Variants in OLFML2A observed in about 807,000 individuals in gnomAD.
OLFML2A encodes olfactomedin-like protein 2A.
OLFML2A carries 47 observed loss-of-function variants against 60.9 expected under a neutral mutation model. That is an observed-to-expected ratio of 0.77 (90% CI 0.61 to 0.98). The LOEUF is 0.98. Ranked by LOEUF, OLFML2A falls within the 50% of genes least tolerant of loss-of-function variation. The pLI is 0.00. For synonymous variants in OLFML2A, 372 were observed against 375.0 expected (o/e 0.99, Z 0.09); for missense variants, 922 against 879.8 (o/e 1.05, Z -0.61).
intron 2 of OLFML2A, among the ~76,000 whole-genome samples, chr9:124,787,955 A>T (rs1841507138): frequency 6.6e-6 from 1 of 152,124 alleles, no homozygotes; most frequent in African/African-American, 2.4e-5. Flanking sequence ...TAACTTGCCC[A>T]ACCTCACATA....
In OLFML2A at chr9:124,810,026, G is replaced by A. The variant is rs368549348; in HGVS notation, c.1573G>A (p.Val525Met). The A allele has an allele frequency of 2.6e-5, 42 of 1,613,936 alleles. No individual in the cohort carries two copies. Among genetic ancestry groups the A allele is most frequent in the Admixed American group, 3.3e-5 (2 of 60,002 alleles). Residue 525 changes from valine (V) to methionine (M), a missense_variant, in exon 8 of 8, where the codon GTG becomes ATG. By Grantham distance (21) the Val-to-Met change is conservative. Coordinates refer to ENST00000373580, the MANE Select transcript of OLFML2A (RefSeq NM_182487.4). ...CGGACACTCGGACATTGACTTTGCC[G>A]TGGACGAGAGCGGCCTGTGGGTCAT... ...WRGHSDIDFA[V>M]DESGLWVIYP...
chr9:124,809,345 G>A (rs1237767300), intron 7 of OLFML2A, among the ~76,000 whole-genome samples: 7 of 152,078 alleles, frequency 4.6e-5, no homozygotes, highest in Non-Finnish European at 5.9e-5. Flanking sequence ...AAAAGACAAA[G>A]GGTTATGGGA....
rs539066512 is a variant in OLFML2A, at chr9:124,794,551, T to G, written c.355-473T>G. On this transcript the variant is annotated intron_variant, in intron 2 of 7. Transcript: ENST00000373580. ...GTGATTATTAGCAGGCTGGGGCTGGTGAGTGCTCAGGGCCCATGCCAGCCA... is the reference window on the plus strand; with the variant it reads ...GTGATTATTAGCAGGCTGGGGCTGGGGAGTGCTCAGGGCCCATGCCAGCCA... Among the ~76,000 whole-genome samples, 2 of 152,276 alleles carry G rather than the reference T, an allele frequency of 1.3e-5. 1 individual carries two copies. The highest frequency in any genetic ancestry group is 4.2e-4 in the South Asian group (2 of 4,814).
intron 2 of OLFML2A, among the ~76,000 whole-genome samples, chr9:124,788,465 G>T (rs192119826): frequency 2.6e-5 from 4 of 151,994 alleles, no homozygotes; most frequent in African/African-American, 9.7e-5. Context: ...AATTAACCCC[G>T]CATGGTGGTG....
intron 6 of OLFML2A, among the ~76,000 whole-genome samples, chr9:124,805,005 G>C (rs759001556): frequency 3.3e-5 from 5 of 152,120 alleles, no homozygotes; most frequent in Admixed American, 6.5e-5. Context: ...ACCAAGCCCA[G>C]GTAGTATTTT....
chr9:124,814,015 G>A lies in OLFML2A; in HGVS notation c.*3603G>A, dbSNP rs1013598030. 6.6e-6 allele frequency: 1 copy of A among 152,288 alleles called. No homozygotes were observed. Among genetic ancestry groups the A allele is most frequent in the African/African-American group, 2.4e-5 (1 of 41,448 alleles). 9.4% of individuals were successfully genotyped at this position (152,288 alleles called of 1,614,324 possible). On this transcript the variant is annotated 3_prime_UTR_variant, in exon 8 of 8. Coordinates refer to ENST00000373580, the MANE Select transcript of OLFML2A (RefSeq NM_182487.4). The stretch of plus-strand genomic sequence containing the variant: ...GAAGGCAAAGGAAGCTGTCTCGGGT[G>A]TTTCTGAACAACGTGACTCATGAGG...
At chr9:124,809,648 C>T (rs537740279) in intron 7 of OLFML2A, among the ~76,000 whole-genome samples, 160 bp from the exon 8 acceptor site, 1 of 151,822 alleles carries the variant, frequency 6.6e-6, no homozygotes, top group East Asian at 1.9e-4. Context: ...CTTCAGGAGA[C>T]GCTTGTGCCA....
chr9:124,783,532 G>A (rs574666264), intron 1 of OLFML2A, among the ~76,000 whole-genome samples: 1 of 152,134 alleles, frequency 6.6e-6, no homozygotes, highest in Non-Finnish European at 1.5e-5. Flanking sequence ...GCTAGGCCCT[G>A]TTCTTTACTT....
At chr9:124,807,182 C>T (rs1177548575) in intron 6 of OLFML2A, among the ~76,000 whole-genome samples, 1 of 152,082 alleles carries the variant, frequency 6.6e-6, no homozygotes, top group Non-Finnish European at 1.5e-5. Context: ...CCTCAGCCTC[C>T]CAAATTGCTG....
At chr9:124,795,575 T>C (rs1841653852) in intron 3 of OLFML2A, among the ~76,000 whole-genome samples, 1 of 152,134 alleles carries the variant, frequency 6.6e-6, no homozygotes, top group Admixed American at 6.5e-5. Context: ...GGCCAGAAGT[T>C]TGAGACCAGC....
Position 124,814,111 on chromosome 9 carries a change from G to C in OLFML2A, c.*3699G>C, listed in dbSNP as rs542929202. The C allele has an allele frequency of 6.6e-6, 1 of 152,264 alleles. No individual in the cohort carries two copies. Among genetic ancestry groups the C allele is most frequent in the Non-Finnish European group, 1.5e-5 (1 of 68,066 alleles). 9.4% of individuals were successfully genotyped at this position (152,264 alleles called of 1,614,324 possible). On this transcript the variant is annotated 3_prime_UTR_variant, in exon 8 of 8. Coordinates refer to ENST00000373580, the MANE Select transcript of OLFML2A (RefSeq NM_182487.4). Reference sequence around the variant, plus strand: ...ACATTTAATCGGCTTTCTCTGCGGTGGGGTAGAGAATGGAGCTCCCGCCTT... The same window carrying C: ...ACATTTAATCGGCTTTCTCTGCGGTCGGGTAGAGAATGGAGCTCCCGCCTT...
rs1372309618 is a variant in OLFML2A at position 124,809,943 on chromosome 9, C to A, written c.1490C>A (p.Ala497Asp). The change falls in exon 8 of 8, where the codon GCC becomes GAC. Residue 497 changes from alanine to aspartate, a missense_variant. By Grantham distance (126) the Ala-to-Asp change is moderately radical. Coordinates refer to ENST00000373580, the MANE Select transcript of OLFML2A (RefSeq NM_182487.4). The part of the protein sequence containing the change: ...IKYDLRQRFV[A>D]SWALLPDVVY... The stretch of plus-strand genomic sequence containing the variant: ...TACGACCTACGGCAGCGCTTCGTGG[C>A]CTCCTGGGCGCTGCTGCCCGACGTG... 6.2e-7 allele frequency: 1 copy of A among 1,614,086 alleles called. No individual in the cohort carries two copies. The highest frequency in any genetic ancestry group is 2.2e-5 in the East Asian group (1 of 44,888).
intron 1 of OLFML2A, among the ~76,000 whole-genome samples, chr9:124,782,514 T>G (rs1841379942): frequency 6.6e-6 from 1 of 152,202 alleles, no homozygotes; most frequent in African/African-American, 2.4e-5. Context: ...CTTCCCATTT[T>G]ACAGAGGAGG....
chr9:124,793,317 G>T (rs772238954), intron 2 of OLFML2A, among the ~76,000 whole-genome samples: 1 of 152,208 alleles, frequency 6.6e-6, no homozygotes, highest in Non-Finnish European at 1.5e-5. Flanking sequence ...CTGATGAGGC[G>T]TGACAGAGGA....
intron 5 of OLFML2A, 122 bp from the exon 6 acceptor site, chr9:124,803,961 GTGAGGAGGCCC>G (rs1195049029): frequency 2.7e-5 from 25 of 927,354 alleles, no homozygotes; most frequent in East Asian, 1.6e-4. Context: ...CCCTCCAGGT[GTGAGGAGGCCC>G]TGAGGAGGCC....
intron 2 of OLFML2A, 32 bp downstream of exon 2, chr9:124,787,270 G>A (rs763612529): frequency 6.3e-7 from 1 of 1,599,044 alleles, no homozygotes; most frequent in Admixed American, 1.7e-5. Context: ...AGGGAGTAAG[G>A]GCCTATCATG....
At chr9:124,787,662 G>A (rs560561528) in intron 2 of OLFML2A, among the ~76,000 whole-genome samples, 4 of 151,872 alleles carry the variant, frequency 2.6e-5, no homozygotes, top group African/African-American at 7.2e-5. Context: ...GGGTTCAAGC[G>A]ATTCTCCTGC....
chr9:124,795,097 A>T lies in OLFML2A; in HGVS notation c.428A>T (p.His143Leu). ...TTGATGAAGGTGCACGCCTACGTCCACAAGGTGGCCTCCCAGATGAACACA... is the reference window on the plus strand; with the variant it reads ...TTGATGAAGGTGCACGCCTACGTCCTCAAGGTGGCCTCCCAGATGAACACA... ...MDLMKVHAYV[H>L]KVASQMNTLE... is the part of the protein sequence containing the mutation. Residue 143 changes from histidine to leucine, a missense_variant, in exon 3 of 8, where the codon CAC (histidine) becomes CTC (leucine). By Grantham distance (99) the His-to-Leu change is moderately conservative. Coordinates refer to ENST00000373580, the MANE Select transcript of OLFML2A (RefSeq NM_182487.4). 2 of 1,606,950 alleles carry T rather than the reference A, an allele frequency of 1.2e-6. No individual in the cohort carries two copies. Among genetic ancestry groups the T allele is most frequent in the Non-Finnish European group, 1.7e-6 (2 of 1,176,092 alleles).
In OLFML2A at chr9:124,779,783, C is replaced by T. The variant is rs1841327494; in HGVS notation, c.90+2423C>T. Among the ~76,000 whole-genome samples the T allele has an allele frequency of 6.6e-6, 1 of 152,214 alleles. No homozygotes were observed. The highest frequency in any genetic ancestry group is 2.4e-5 in the African/African-American group (1 of 41,444). On this transcript the variant is annotated intron_variant, in intron 1 of 7. Coordinates refer to ENST00000373580, the MANE Select transcript of OLFML2A (RefSeq NM_182487.4). The surrounding 1 kb of genome is among the most constrained non-coding windows in gnomAD (Gnocchi z 4.1). The stretch of plus-strand genomic sequence containing the variant: ...CTGGCTCTGCAGAGAGAGCTGTTTT[C>T]ATTATCACTCGCTCCTTCCCCCATC...
Sources: gnomAD v4.1 joint callset for allele counts (sites outside exome capture counted in the v4.1 genomes callset) on GRCh38, gnomAD v4.1.1 for gene constraint, Gnocchi (gnomAD v3.1) non-coding constraint, MANE v1.5 for transcripts, NCBI Gene and HGNC (gene_info 2026-07-23, HGNC 2026-07-21) for gene names.